SLC6A6: variants seen among roughly 807,000 people sequenced by gnomAD.
SLC6A6 encodes sodium- and chloride-dependent taurine transporter.
Under a neutral mutation model 68.8 loss-of-function variants are expected in SLC6A6, and 16 were observed. The observed-to-expected ratio is 0.23, with a 90% confidence interval of 0.16 to 0.35. The LOEUF (loss-of-function observed/expected upper bound fraction) is 0.35, where lower values mean the gene tolerates loss of function less well. Ranked by LOEUF, SLC6A6 falls within the 10% of genes least tolerant of loss-of-function variation. SLC6A6 has a pLI of 1.00. For missense variants in SLC6A6, 474 were observed against 802.8 expected, an observed-to-expected ratio of 0.59 and a Z score of 4.95; for synonymous variants, 312 against 315.4, an observed-to-expected ratio of 0.99 and a Z score of 0.12.
At position 14,418,765 on chromosome 3, in the gene SLC6A6, G is replaced by A. The variant is rs181602281; in HGVS notation, c.-12+2312G>A. Among the ~76,000 whole-genome samples, 98 of 152,342 alleles carry A rather than the reference G, an allele frequency of 6.4e-4. 2 individuals carry two copies. The highest frequency in any genetic ancestry group is 4.6e-4 in the Non-Finnish European group (31 of 68,018). ...CACAGACTCATGCACAGCCTCCTCA[G>A]GAGCCTTGTGAGGTGGGCGCTGATG... On this transcript the variant is annotated intron_variant, in intron 2 of 14. Transcript: ENST00000622186.
In SLC6A6 at chr3:14,443,658, G is replaced by A. The variant is rs767752911; in HGVS notation, c.24G>A (p.Gln8=). The change falls in exon 3 of 15, where the codon CAG becomes CAA. Residue 8 remains glutamine, a synonymous_variant. Coordinates refer to ENST00000622186, the MANE Select transcript of SLC6A6 (RefSeq NM_003043.6). The stretch of plus-strand genomic sequence containing the variant: ...AGATGGCCACCAAGGAGAAGCTGCA[G>A]TGTCTGAAAGATTTCCACAAGGACA... MATKEKL[Q]CLKDFHKDIL... 12 of 1,612,662 alleles carry A rather than the reference G, an allele frequency of 7.4e-6. No homozygotes were observed. The Admixed American group carries it at 1.7e-4, about 22-fold the overall frequency.
In SLC6A6 at chr3:14,447,747, G is replaced by A. The variant is rs554039615; in HGVS notation, c.530G>A (p.Arg177His). ...NTPHCMEDTMRKNKSVWITIS... is the reference protein window; with the variant it reads ...NTPHCMEDTMHKNKSVWITIS... Reference sequence around the variant, plus strand: ...CCTCACTGCATGGAGGACACCATGCGCAAGAACAAGAGTGTCTGGATCACC... The same window carrying A: ...CCTCACTGCATGGAGGACACCATGCACAAGAACAAGAGTGTCTGGATCACC... Residue 177 changes from arginine (R) to histidine (H), a missense_variant, in exon 5 of 15, where the codon CGC (arginine) becomes CAC (histidine). By Grantham distance (29) the Arg-to-His change is conservative (BLOSUM62 0). Transcript: ENST00000622186. 1.6e-5 allele frequency: 26 copies of A among 1,614,160 alleles called. No individual in the cohort carries two copies. The highest frequency in any genetic ancestry group is 8.3e-5 in the Admixed American group (5 of 60,032).
chr3:14,415,589 T>G (rs1233954391), intron 1 of SLC6A6, among the ~76,000 whole-genome samples: 3 of 152,218 alleles, frequency 2.0e-5, no homozygotes, highest in African/African-American at 7.2e-5. Context: ...TTTGTACACT[T>G]AGATTCCAGG....
intron 5 of SLC6A6, among the ~76,000 whole-genome samples, chr3:14,456,793 A>G (rs1390854922): frequency 6.6e-6 from 1 of 152,212 alleles, no homozygotes; most frequent in African/African-American, 2.4e-5. Flanking sequence ...TGTGACCTTC[A>G]GACAGGGAGC....
In SLC6A6 at chr3:14,457,224, G is replaced by T. The variant is rs568934869; in HGVS notation, c.600-726G>T. Among the ~76,000 whole-genome samples the T allele has an allele frequency of 7.9e-5, 12 of 152,298 alleles. 1 individual carries two copies. The highest frequency in any genetic ancestry group is 7.7e-4 in the East Asian group (4 of 5,186). ...CCTGGGCAGGGTTGGTGACTGTCCCGTGCCAATTATCCTTAAAACCGTTTA... is the reference window on the plus strand; with the variant it reads ...CCTGGGCAGGGTTGGTGACTGTCCCTTGCCAATTATCCTTAAAACCGTTTA... On this transcript the variant is annotated intron_variant, in intron 5 of 14. Coordinates refer to ENST00000622186, the MANE Select transcript of SLC6A6 (RefSeq NM_003043.6).
chr3:14,473,678 G>A (rs181489104), intron 10 of SLC6A6, among the ~76,000 whole-genome samples: 56 of 152,238 alleles, frequency 3.7e-4, no homozygotes, highest in African/African-American at 1.0e-3. Flanking sequence ...TCAGGGAGAC[G>A]GAAAACAAAA....
intron 2 of SLC6A6, among the ~76,000 whole-genome samples, chr3:14,422,704 C>T (rs1297741655): frequency 6.6e-6 from 1 of 152,194 alleles, no homozygotes; most frequent in Non-Finnish European, 1.5e-5. Flanking sequence ...CAATTCCTAG[C>T]CCCAGCTTGG....
rs1006738319 is a variant in SLC6A6, at chr3:14,417,258, G to A, written c.-12+805G>A. The stretch of plus-strand genomic sequence containing the variant: ...GTTGCAAGAGTATTACAGTGGCCTC[G>A]CATTATGCCCTTCGTTGAGATTTTC... On this transcript the variant is annotated intron_variant, in intron 2 of 14. Transcript: ENST00000622186. 6.6e-5 allele frequency among the ~76,000 whole-genome samples: 10 copies of A among 152,314 alleles called. No homozygotes were observed. In the South Asian group the frequency reaches 1.7e-3, roughly 25 times the overall value.
Position 14,472,546 on chromosome 3 carries a change from G to A in SLC6A6, c.1209+229G>A, listed in dbSNP as rs767284946. Among the ~76,000 whole-genome samples, 3 of 152,214 alleles carry A rather than the reference G, an allele frequency of 2.0e-5. No individual in the cohort carries two copies. Among genetic ancestry groups the A allele is most frequent in the Non-Finnish European group, 4.4e-5 (3 of 68,048 alleles). On this transcript the variant is annotated intron_variant, in intron 10 of 14. Coordinates refer to ENST00000622186, the MANE Select transcript of SLC6A6 (RefSeq NM_003043.6). This position sits in a 1 kb window ranked among gnomAD's most constrained non-coding sequence, Gnocchi z 4.5. ...ATTTAGCCTAATGGAGTGCAAACAAGACGTGGCATGGCACATTATCTGCTA... is the reference window on the plus strand; with the variant it reads ...ATTTAGCCTAATGGAGTGCAAACAAAACGTGGCATGGCACATTATCTGCTA...
At chr3:14,473,051 A>T (rs1700790412) in intron 10 of SLC6A6, among the ~76,000 whole-genome samples, 1 of 152,136 alleles carries the variant, frequency 6.6e-6, no homozygotes, top group Non-Finnish European at 1.5e-5. Flanking sequence ...CCTCCACTAG[A>T]AGGTGACTCA....
chr3:14,449,269 G>A (rs1700201471), intron 5 of SLC6A6, among the ~76,000 whole-genome samples: 1 of 152,218 alleles, frequency 6.6e-6, no homozygotes, highest in Admixed American at 6.5e-5. Flanking sequence ...AGGTCCTTAG[G>A]CCCACTGTCA....
intron 2 of SLC6A6, among the ~76,000 whole-genome samples, chr3:14,432,174 A>G (rs1699739896): frequency 6.6e-6 from 1 of 152,226 alleles, no homozygotes; most frequent in Non-Finnish European, 1.5e-5. Flanking sequence ...TTCATAGCCA[A>G]CAAGGAGCAG....
In SLC6A6 at chr3:14,458,719, T is replaced by G. The variant is rs115470333; in HGVS notation, c.732+637T>G. Reference sequence around the variant, plus strand: ...CAGATTAACTGAGTTATAACTAACATTTCAGCCGGCACCTCCAATGTTAGT... The same window carrying G: ...CAGATTAACTGAGTTATAACTAACAGTTCAGCCGGCACCTCCAATGTTAGT... On this transcript the variant is annotated intron_variant, in intron 6 of 14. Coordinates refer to ENST00000622186, the MANE Select transcript of SLC6A6 (RefSeq NM_003043.6). 8.3e-3 allele frequency among the ~76,000 whole-genome samples: 1,257 copies of G among 152,358 alleles called. 20 individuals are homozygous for G. The highest frequency in any genetic ancestry group is 0.029 in the African/African-American group (1,189 of 41,580).
chr3:14,464,022 G>T (rs1700557112), intron 6 of SLC6A6, among the ~76,000 whole-genome samples: 1 of 152,306 alleles, frequency 6.6e-6, no homozygotes, highest in Non-Finnish European at 1.5e-5. Context: ...TGCAACCCCT[G>T]GTAGAGGTGG....
At position 14,481,047 on chromosome 3, in the gene SLC6A6, T is replaced by G. The variant is rs1345836492; in HGVS notation, c.1552-624T>G. Among the ~76,000 whole-genome samples, 1 of 152,216 alleles carries G rather than the reference T, an allele frequency of 6.6e-6. No homozygotes were observed. Among genetic ancestry groups the G allele is most frequent in the Non-Finnish European group, 1.5e-5 (1 of 68,040 alleles). On this transcript the variant is annotated intron_variant, in intron 13 of 14. Coordinates refer to ENST00000622186, the MANE Select transcript of SLC6A6 (RefSeq NM_003043.6). The surrounding 1 kb of genome is among the most constrained non-coding windows in gnomAD (Gnocchi z 4.7). ...CTTTCATCTACGCTGCTAGCACTTATGGTGCACTTGTTGTATGTACCTGGA... is the reference window on the plus strand; with the variant it reads ...CTTTCATCTACGCTGCTAGCACTTAGGGTGCACTTGTTGTATGTACCTGGA...
At chr3:14,412,505 C>T (rs774200052) in intron 1 of SLC6A6, among the ~76,000 whole-genome samples, 6 of 152,144 alleles carry the variant, frequency 3.9e-5, no homozygotes, top group Non-Finnish European at 7.4e-5. Flanking sequence ...CATGGCAAAA[C>T]CCCATCTCTA....
chr3:14,423,299 G>A (rs945734894), intron 2 of SLC6A6, among the ~76,000 whole-genome samples: 3 of 152,122 alleles, frequency 2.0e-5, no homozygotes, highest in South Asian at 2.1e-4. Context: ...CTCATGCCTC[G>A]GTGTGATCTC....
At chr3:14,433,373 G>A (rs1401488240) in intron 2 of SLC6A6, among the ~76,000 whole-genome samples, 2 of 152,190 alleles carry the variant, frequency 1.3e-5, no homozygotes, top group South Asian at 2.1e-4. Flanking sequence ...AGGATGTTGT[G>A]TTTGTGCCAC....
chr3:14,428,107 C>T (rs901676872), intron 2 of SLC6A6, among the ~76,000 whole-genome samples: 1 of 152,196 alleles, frequency 6.6e-6, no homozygotes, highest in African/African-American at 2.4e-5. Flanking sequence ...CCACATTGCT[C>T]AGCAAGAATA....
Sources: allele counts gnomAD v4.1 joint callset (sites outside exome capture counted in the v4.1 genomes callset), GRCh38; gene constraint gnomAD v4.1.1; non-coding constraint Gnocchi (gnomAD v3.1); transcripts MANE v1.5; gene names NCBI Gene and HGNC (gene_info 2026-07-23, HGNC 2026-07-21).